Variants in SGCD observed in about 807,000 individuals in gnomAD.
The protein encoded by SGCD is delta-sarcoglycan.
A neutral mutation model predicts 36.6 loss-of-function variants in SGCD; 18 were observed. That is an observed-to-expected ratio of 0.49 (90% CI 0.34 to 0.73). SGCD has a LOEUF of 0.73. Ranked by LOEUF, SGCD falls within the 30% of genes least tolerant of loss-of-function variation. SGCD has a pLI of 0.01. For missense variants in SGCD, 387 were observed against 346.7 expected (o/e 1.12, Z -0.92); for synonymous variants, 133 against 130.6 (o/e 1.02, Z -0.12).
intron 3 of SGCD, among the ~76,000 whole-genome samples, chr5:156,230,365 C>T (rs1382908163): frequency 7.9e-5 from 12 of 152,118 alleles, no homozygotes; most frequent in African/African-American, 1.4e-4. Context: ...TTTTGTCCCG[C>T]GGGGTATTCC....
chr5:156,708,857 C>CAAGACAAAGG (rs565115148), intron 7 of SGCD, among the ~76,000 whole-genome samples: 93 of 152,152 alleles, frequency 6.1e-4, no homozygotes, highest in African/African-American at 2.1e-3. Flanking sequence ...AGAGAAGTGA[C>CAAGACAAAGG]AAGACAAAGG....
chr5:156,563,367 T>C (rs967551795), intron 4 of SGCD, among the ~76,000 whole-genome samples: 3 of 152,148 alleles, frequency 2.0e-5, no homozygotes, highest in African/African-American at 4.8e-5. Context: ...TAACACTTTT[T>C]AACCGATAAT....
At chr5:155,896,328 G>T (rs1003651564) in intron 1 of SGCD, among the ~76,000 whole-genome samples, 2 of 152,052 alleles carry the variant, frequency 1.3e-5, no homozygotes, top group African/African-American at 4.8e-5. Flanking sequence ...AAACGTAGGA[G>T]GTGGAGGCTG....
chr5:156,102,233 G>T (rs1382264529), intron 1 of SGCD, among the ~76,000 whole-genome samples: 1 of 151,962 alleles, frequency 6.6e-6, no homozygotes, highest in African/African-American at 2.4e-5. Context: ...AACCTAAAAT[G>T]AAAGAAAATT....
chr5:156,576,676 T>C (rs1759971942), intron 4 of SGCD, among the ~76,000 whole-genome samples: 1 of 152,244 alleles, frequency 6.6e-6, no homozygotes, highest in Admixed American at 6.5e-5. Context: ...TTATGACCAG[T>C]GATGATAAGC....
chr5:156,605,326 T>C (rs1360541023), intron 6 of SGCD, among the ~76,000 whole-genome samples: 1 of 152,200 alleles, frequency 6.6e-6, no homozygotes, highest in Non-Finnish European at 1.5e-5. Flanking sequence ...TTGCAATAGT[T>C]TGCTGAGAAT....
chr5:156,501,657 T>C (rs1041537426), intron 3 of SGCD, among the ~76,000 whole-genome samples: 2 of 152,204 alleles, frequency 1.3e-5, no homozygotes, highest in Non-Finnish European at 2.9e-5. Context: ...ACTGAGGGCT[T>C]AGGGGAGACT....
At chr5:156,214,205 C>A (rs889158257) in intron 3 of SGCD, among the ~76,000 whole-genome samples, 6 of 151,638 alleles carry the variant, frequency 4.0e-5, no homozygotes, top group African/African-American at 1.5e-4. Context: ...ACACAGAAAA[C>A]CCTCAAGACT....
At position 156,512,882 on chromosome 5, in the gene SGCD, A is replaced by T. The variant is rs528429497; in HGVS notation, c.294+4180A>T. ...AATAATAAGTTGTCAGTTTATAAAG[A>T]CCTTTTTTAAAACCATCTATTTAAT... On this transcript the variant is annotated intron_variant, in intron 4 of 8. Transcript: ENST00000337851. Among the ~76,000 whole-genome samples the T allele has an allele frequency of 4.7e-4, 71 of 152,042 alleles. 1 individual carries two copies. Among genetic ancestry groups the T allele is most frequent in the Non-Finnish European group, 6.6e-4 (45 of 68,012 alleles).
chr5:155,857,837 C>T, the SGCD span, among the ~76,000 whole-genome samples: 1 of 151,964 alleles, frequency 6.6e-6, no homozygotes, highest in Non-Finnish European at 1.5e-5. Context: ...TTTAATAATC[C>T]AAATGGACAG....
intron 4 of SGCD, among the ~76,000 whole-genome samples, chr5:156,556,992 G>T (rs1195552528): frequency 6.6e-6 from 1 of 152,152 alleles, no homozygotes; most frequent in African/African-American, 2.4e-5. Context: ...AGTGTACCTT[G>T]CTGTCTGTTC....
At chr5:156,423,381 A>ATTT (rs1773500082) in intron 3 of SGCD, among the ~76,000 whole-genome samples, 1 of 93,718 alleles carries the variant, frequency 1.1e-5, no homozygotes, top group African/African-American at 4.5e-5. Context: ...TTTTATTATA[A>ATTT]TATAATATAT....
intron 7 of SGCD, among the ~76,000 whole-genome samples, chr5:156,701,081 G>A (rs1031061707): frequency 1.3e-5 from 2 of 151,994 alleles, no homozygotes; most frequent in African/African-American, 2.4e-5. Flanking sequence ...TCCCTCTGCT[G>A]ATGACTCTTC....
chr5:156,084,242 T>C (rs1761039104), intron 1 of SGCD, among the ~76,000 whole-genome samples: 1 of 152,218 alleles, frequency 6.6e-6, no homozygotes, highest in Admixed American at 6.5e-5. Flanking sequence ...TATGTTTTCC[T>C]ATATAGGTAC....
At chr5:156,090,466 G>A (rs1761212896) in intron 1 of SGCD, among the ~76,000 whole-genome samples, 1 of 152,176 alleles carries the variant, frequency 6.6e-6, no homozygotes, top group Admixed American at 6.5e-5. Flanking sequence ...GATTTTGAAA[G>A]GGGAGGGGGT....
intron 1 of SGCD, among the ~76,000 whole-genome samples, chr5:155,916,830 C>T (rs1351275313): frequency 6.6e-6 from 1 of 152,176 alleles, no homozygotes; most frequent in Non-Finnish European, 1.5e-5. Context: ...GTGCTTCTCA[C>T]AAATGTCTAC....
At chr5:156,711,116 T>G (rs1402508943) in intron 7 of SGCD, among the ~76,000 whole-genome samples, 1 of 152,112 alleles carries the variant, frequency 6.6e-6, no homozygotes, top group Non-Finnish European at 1.5e-5. Flanking sequence ...GGGAGAAGCA[T>G]ATAATGAGGC....
intron 3 of SGCD, among the ~76,000 whole-genome samples, chr5:156,308,846 G>A (rs1271350253): frequency 2.6e-5 from 4 of 152,162 alleles, no homozygotes; most frequent in African/African-American, 4.8e-5. Flanking sequence ...CTGGTCTAGT[G>A]ATAATGAAAT....
chr5:156,434,391 ATGATGGTGAGGCTCCC>A (rs1260561424), intron 3 of SGCD, among the ~76,000 whole-genome samples: 1 of 152,100 alleles, frequency 6.6e-6, no homozygotes, highest in Non-Finnish European at 1.5e-5. Context: ...ATGTAATTCA[ATGATGGTGAGGCTCCC>A]TCCCTCTCCA....
Sources: allele counts gnomAD v4.1 joint callset (sites outside exome capture counted in the v4.1 genomes callset), GRCh38; gene constraint gnomAD v4.1.1; transcripts MANE v1.5; gene names NCBI Gene and HGNC (gene_info 2026-07-23, HGNC 2026-07-21).